GAL3ST2: variants seen among roughly 807,000 people sequenced by gnomAD.
GAL3ST2 encodes galactose-3-O-sulfotransferase 2.
A neutral mutation model predicts 12.9 loss-of-function variants in GAL3ST2; 16 were observed. The ratio of observed to expected loss-of-function variants is 1.24; its 90% CI spans 0.84 to 1.88. The LOEUF is 1.88. Among genes scored for constraint, GAL3ST2 ranks in the 40% most tolerant of loss-of-function variants. The probability of loss-of-function intolerance (pLI) is 0.00; values close to 1 mark genes in which losing one functional copy is unlikely to be tolerated. For synonymous variants in GAL3ST2, 302 were observed against 273.9 expected, an observed-to-expected ratio of 1.10 and a Z score of -1.01; for missense variants, 639 against 571.8, an observed-to-expected ratio of 1.12 and a Z score of -1.20.
rs747949703 is a variant in GAL3ST2 at position 241,793,774 on chromosome 2, ATTAT to A, written c.30-5288_30-5285del. On this transcript the variant is annotated intron_variant, in intron 1 of 3. Transcript: ENST00000192314. The surrounding 1 kb of genome is among the most constrained non-coding windows in gnomAD (Gnocchi z 4.7). ...TGTGTATTGTGTATGTGTAGTGTGT[ATTAT>A]TTGTGTGTGTGTGTATTGTGTGTGT... 3.3e-5 allele frequency among the ~76,000 whole-genome samples: 5 copies of A among 150,566 alleles called. No individual in the cohort carries two copies. Among genetic ancestry groups the A allele is most frequent in the Admixed American group, 6.6e-5 (1 of 15,118 alleles).
chr2:241,798,258 C>T (rs1205637461), intron 1 of GAL3ST2, among the ~76,000 whole-genome samples: 1 of 152,242 alleles, frequency 6.6e-6, no homozygotes, highest in Non-Finnish European at 1.5e-5. Context: ...TGTTTGGAGA[C>T]ATCATGCTTC....
In GAL3ST2 at chr2:241,801,859, G is replaced by C; in HGVS notation, c.198G>C (p.Thr66=). 1.2e-6 allele frequency: 2 copies of C among 1,612,974 alleles called. No homozygotes were observed. Among genetic ancestry groups the C allele is most frequent in the African/African-American group, 1.3e-5 (1 of 75,048 alleles). ...AGACGCACAAGACGGCCAGCAGCAC[G>C]GTGCTCAACATCCTCTACCGCTTCG... ...FLKTHKTASS[T]VLNILYRFAE... Residue 66 remains threonine (T), a synonymous_variant, in exon 3 of 4, where the codon ACG becomes ACC. Coordinates refer to ENST00000192314, the MANE Select transcript of GAL3ST2 (RefSeq NM_022134.3). This position sits in a 1 kb window ranked among gnomAD's most constrained non-coding sequence, Gnocchi z 4.4.
chr2:241,789,099 G>A (rs572296444), intron 1 of GAL3ST2, among the ~76,000 whole-genome samples: 7 of 152,222 alleles, frequency 4.6e-5, no homozygotes, highest in South Asian at 2.1e-4. Context: ...CCCTAACGTC[G>A]ACCCCAAACC....
chr2:241,778,210 G>A (rs1421156335), intron 1 of GAL3ST2, among the ~76,000 whole-genome samples: 1 of 152,244 alleles, frequency 6.6e-6, no homozygotes, highest in Non-Finnish European at 1.5e-5. Flanking sequence ...GCAAGTGTGG[G>A]AGGCTCACCT....
chr2:241,778,014 C>T (rs1699514945), intron 1 of GAL3ST2, among the ~76,000 whole-genome samples: 1 of 152,224 alleles, frequency 6.6e-6, no homozygotes, highest in Admixed American at 6.5e-5. Context: ...GTCTCACTGC[C>T]TGGCAGGATG....
In GAL3ST2 at chr2:241,776,959, A is replaced by T. The variant is rs1247783452; in HGVS notation, c.4A>T (p.Met2Leu). The part of the protein sequence containing the change: M[M>L]SMLGGLQRYF... ...TCGCTGGAGGCCAGAGGCCAAGATG[A>T]TGTCCATGCTGGGCGGCTTGCAGAG... The change falls in exon 1 of 4, where the codon ATG (methionine) becomes TTG (leucine). Residue 2 changes from methionine to leucine, a missense_variant. Coordinates refer to ENST00000192314, the MANE Select transcript of GAL3ST2 (RefSeq NM_022134.3). 6.4e-7 allele frequency: 1 copy of T among 1,551,888 alleles called. No homozygotes were observed. Among genetic ancestry groups the T allele is most frequent in the Non-Finnish European group, 8.7e-7 (1 of 1,144,848 alleles).
chr2:241,792,108 G>A (rs906481327), intron 1 of GAL3ST2, among the ~76,000 whole-genome samples: 5 of 150,560 alleles, frequency 3.3e-5, no homozygotes, highest in Admixed American at 3.3e-4. Flanking sequence ...CTGCCTCCTG[G>A]GTTCAAGCAA....
Position 241,803,879 on chromosome 2 carries a change from C to A in GAL3ST2, c.910C>A (p.Arg304Ser). Reference protein sequence around the residue: ...LRAELGPRRLRGEVERLRARR... With the variant: ...LRAELGPRRLSGEVERLRARR... Reference sequence around the variant, plus strand: ...CGCCGAGCTGGGGCCGCGGCGGCTGCGCGGGGAGGTGGAGCGGCTGCGCGC... The same window carrying A: ...CGCCGAGCTGGGGCCGCGGCGGCTGAGCGGGGAGGTGGAGCGGCTGCGCGC... Residue 304 changes from arginine to serine, a missense_variant, in exon 4 of 4, where the codon CGC becomes AGC. Physicochemically the swap from Arg to Ser is moderately radical, Grantham distance 110. Coordinates refer to ENST00000192314, the MANE Select transcript of GAL3ST2 (RefSeq NM_022134.3). The A allele has an allele frequency of 7.1e-7, 1 of 1,418,440 alleles. No individual in the cohort carries two copies. The highest frequency in any genetic ancestry group is 9.1e-7 in the Non-Finnish European group (1 of 1,095,910). 87.9% of individuals were successfully genotyped at this position (1,418,440 alleles called of 1,614,324 possible).
At chr2:241,783,087 G>A (rs1172927414) in intron 1 of GAL3ST2, among the ~76,000 whole-genome samples, 5 of 151,664 alleles carry the variant, frequency 3.3e-5, no homozygotes, top group Admixed American at 6.6e-5. Flanking sequence ...GCAGTGAGCC[G>A]AGATTGTGCC....
At chr2:241,792,012 T>A (rs1430969413) in intron 1 of GAL3ST2, among the ~76,000 whole-genome samples, 2 of 149,120 alleles carry the variant, frequency 1.3e-5, no homozygotes, top group Non-Finnish European at 3.0e-5. Flanking sequence ...TTTTCTTTCT[T>A]TCTTTTTTTT....
intron 1 of GAL3ST2, among the ~76,000 whole-genome samples, chr2:241,783,125 T>C (rs1374026096): frequency 6.6e-6 from 1 of 150,998 alleles, no homozygotes; most frequent in Non-Finnish European, 1.5e-5. Context: ...GCAACAAAAG[T>C]GAAACTCCAT....
Position 241,800,039 on chromosome 2 carries a change from T to C in GAL3ST2, c.119+885T>C, listed in dbSNP as rs1471028000. On this transcript the variant is annotated intron_variant, in intron 2 of 3. Transcript: ENST00000192314. This position sits in a 1 kb window ranked among gnomAD's most constrained non-coding sequence, Gnocchi z 5.2. ...GGCTGAGGTCACAAAGCCAGCTGCA[T>C]GTGCGTGCCTGGGCACCAGGGAGAA... Among the ~76,000 whole-genome samples, 2 of 152,196 alleles carry C rather than the reference T, an allele frequency of 1.3e-5. No individual in the cohort carries two copies. Among genetic ancestry groups the C allele is most frequent in the African/African-American group, 4.8e-5 (2 of 41,448 alleles).
chr2:241,801,660 T>C lies in GAL3ST2; in HGVS notation c.120-121T>C, dbSNP rs1211598355. 5.2e-6 allele frequency: 7 copies of C among 1,355,858 alleles called. No homozygotes were observed. Among genetic ancestry groups the C allele is most frequent in the Non-Finnish European group, 6.9e-6 (7 of 1,015,098 alleles). The allele number at this position is 1,355,858 out of a possible 1,614,324, so 84.0% of individuals were successfully genotyped here. A position where few individuals can be genotyped will look rare whatever the true frequency, so the allele number is the denominator to read the frequency against. ...TGCCTACCCAGTTGGCCCCCTGGCC[T>C]AGAGTTGGGGGGCTCAGGTTGGGAG... is the stretch of plus-strand genomic sequence containing the variant. On this transcript the variant is annotated intron_variant, in intron 2 of 3. Coordinates refer to ENST00000192314, the MANE Select transcript of GAL3ST2 (RefSeq NM_022134.3). The surrounding 1 kb of genome is among the most constrained non-coding windows in gnomAD (Gnocchi z 4.4).
chr2:241,778,036 G>T (rs1352757463), intron 1 of GAL3ST2, among the ~76,000 whole-genome samples: 2 of 152,220 alleles, frequency 1.3e-5, no homozygotes, highest in Non-Finnish European at 2.9e-5. Context: ...GCTCACTGCA[G>T]CAGCCCATGC....
intron 1 of GAL3ST2, among the ~76,000 whole-genome samples, chr2:241,794,770 C>A (rs1699750367): frequency 6.6e-6 from 1 of 152,166 alleles, no homozygotes; most frequent in South Asian, 2.1e-4. Flanking sequence ...AGGGGAGGGT[C>A]TTTGGGGACT....
chr2:241,790,616 C>G (rs1437842918), intron 1 of GAL3ST2, among the ~76,000 whole-genome samples: 4 of 152,208 alleles, frequency 2.6e-5, no homozygotes, highest in Non-Finnish European at 5.9e-5. Context: ...ACTTTCCAAT[C>G]TGAGTCTGGC....
chr2:241,783,961 C>T (rs1699597494), intron 1 of GAL3ST2, among the ~76,000 whole-genome samples: 2 of 151,994 alleles, frequency 1.3e-5, no homozygotes, highest in African/African-American at 4.8e-5. Flanking sequence ...TCTAAAGCCA[C>T]AGGATTAGAA....
At chr2:241,786,494 A>G (rs1479219861) in intron 1 of GAL3ST2, among the ~76,000 whole-genome samples, 1 of 152,168 alleles carries the variant, frequency 6.6e-6, no homozygotes, top group Non-Finnish European at 1.5e-5. Context: ...AAGCAGGAAA[A>G]AAAGAAAACC....
rs1327095303 is a variant in GAL3ST2, at chr2:241,784,268, C to T, written c.29+7284C>T. Among the ~76,000 whole-genome samples, 9 of 152,242 alleles carry T rather than the reference C, an allele frequency of 5.9e-5. 3 individuals are homozygous for T. The highest frequency in any genetic ancestry group is 5.9e-4 in the Admixed American group (9 of 15,288). On this transcript the variant is annotated intron_variant, in intron 1 of 3. Coordinates refer to ENST00000192314, the MANE Select transcript of GAL3ST2 (RefSeq NM_022134.3). ...CAGGATGGTCTCGATCTCCTAACCT[C>T]GTGATCCACCTGCCTCGGCCTCCCA...
Sources: allele counts gnomAD v4.1 joint callset (sites outside exome capture counted in the v4.1 genomes callset), GRCh38; gene constraint gnomAD v4.1.1; non-coding constraint Gnocchi (gnomAD v3.1); transcripts MANE v1.5; gene names NCBI Gene and HGNC (gene_info 2026-07-23, HGNC 2026-07-21).